The following SYT1 variants were observed in gnomAD, a reference collection of about 807,000 sequenced individuals.
SYT1 encodes the protein synaptotagmin-1.
In SYT1, 8 loss-of-function variants were observed where a neutral mutation model predicts 44.8. The ratio of observed to expected loss-of-function variants is 0.18; its 90% CI spans 0.10 to 0.32. SYT1 has a LOEUF of 0.32. Ranked by LOEUF, SYT1 falls within the 10% of genes least tolerant of loss-of-function variation. The pLI is 1.00. For missense variants in SYT1, 286 were observed against 509.3 expected, an observed-to-expected ratio of 0.56 and a Z score of 4.22; for synonymous variants, 154 against 188.8, an observed-to-expected ratio of 0.82 and a Z score of 1.51.
At chr12:78,999,514 T>C (rs947382008) in intron 2 of SYT1, among the ~76,000 whole-genome samples, 6 of 152,188 alleles carry the variant, frequency 3.9e-5, no homozygotes, top group Non-Finnish European at 8.8e-5. Flanking sequence ...CACCTTTCCT[T>C]TTCTTTTCTA....
intron 1 of SYT1, among the ~76,000 whole-genome samples, chr12:78,922,950 C>A (rs1372794862): frequency 6.9e-6 from 1 of 143,906 alleles, no homozygotes; most frequent in Non-Finnish European, 1.6e-5. Context: ...GGACGAGAAC[C>A]CAGGTAATCT....
chr12:79,009,770 C>A (rs985848777), intron 2 of SYT1, among the ~76,000 whole-genome samples: 1 of 152,108 alleles, frequency 6.6e-6, no homozygotes, highest in Non-Finnish European at 1.5e-5. Flanking sequence ...TTCTTTGTTT[C>A]CCCATCAATA....
chr12:78,986,838 TTTC>T (rs963223817), intron 2 of SYT1, among the ~76,000 whole-genome samples: 10 of 152,002 alleles, frequency 6.6e-5, no homozygotes, highest in Non-Finnish European at 1.3e-4. Context: ...GATACATATC[TTTC>T]TTCTTTCCAA....
intron 4 of SYT1, among the ~76,000 whole-genome samples, chr12:79,260,738 T>G (rs564616547): frequency 6.6e-6 from 1 of 152,312 alleles, no homozygotes; most frequent in Admixed American, 6.5e-5. Context: ...ATTCTTCCAT[T>G]TACATCTAAG....
intron 3 of SYT1, among the ~76,000 whole-genome samples, chr12:79,157,300 C>T (rs557290765): frequency 6.6e-6 from 1 of 152,306 alleles, no homozygotes; most frequent in East Asian, 1.9e-4. Flanking sequence ...TGCATTGATG[C>T]AGGTGGCTGA....
At chr12:78,972,368 T>C (rs1226892854) in intron 1 of SYT1, among the ~76,000 whole-genome samples, 1 of 152,060 alleles carries the variant, frequency 6.6e-6, no homozygotes, top group Non-Finnish European at 1.5e-5. Context: ...TTGCCAAGGT[T>C]CACTGAATCT....
At chr12:79,347,817 G>C (rs1029635225) in intron 8 of SYT1, among the ~76,000 whole-genome samples, 1 of 152,198 alleles carries the variant, frequency 6.6e-6, no homozygotes, top group Middle Eastern at 3.4e-3. Context: ...CGGGTGCTAA[G>C]ACAAAAAAGA....
intron 3 of SYT1, among the ~76,000 whole-genome samples, chr12:79,121,949 G>A (rs916720736): frequency 6.6e-6 from 1 of 152,158 alleles, no homozygotes; most frequent in African/African-American, 2.4e-5. Context: ...GAAAAGCCCT[G>A]CTTCTGTGGT....
chr12:79,179,538 G>GATATATAT (rs200217464), intron 3 of SYT1, among the ~76,000 whole-genome samples: 1 of 30,102 alleles, frequency 3.3e-5, no homozygotes, highest in African/African-American at 1.1e-4. Context: ...TATAGATATA[G>GATATATAT]ATATAGAGAT....
chr12:79,057,593 G>C (rs1381524197), intron 3 of SYT1, among the ~76,000 whole-genome samples: 2 of 151,922 alleles, frequency 1.3e-5, no homozygotes, highest in Non-Finnish European at 2.9e-5. Context: ...TACTATTTGA[G>C]CTGTGAAGGT....
At chr12:79,143,878 A>G (rs899083446) in intron 3 of SYT1, among the ~76,000 whole-genome samples, 7 of 152,208 alleles carry the variant, frequency 4.6e-5, no homozygotes, top group Admixed American at 3.3e-4. Context: ...TCTAAAGCCG[A>G]AAGAAAGAAG....
At chr12:79,230,378 A>G (rs1205215112) in intron 4 of SYT1, among the ~76,000 whole-genome samples, 2 of 152,118 alleles carry the variant, frequency 1.3e-5, no homozygotes, top group Non-Finnish European at 2.9e-5. Context: ...GCATCTGAAG[A>G]TTTTTGTACT....
chr12:78,956,055 A>G (rs1290120155), intron 1 of SYT1, among the ~76,000 whole-genome samples: 1 of 151,980 alleles, frequency 6.6e-6, no homozygotes. Context: ...AAATACTGCA[A>G]TGAAGGTGCA....
chr12:78,994,534 A>ATTTTT (rs1158976321), intron 2 of SYT1, among the ~76,000 whole-genome samples: 1 of 55,582 alleles, frequency 1.8e-5, no homozygotes, highest in Non-Finnish European at 3.3e-5. Flanking sequence ...TGTTCTGAGG[A>ATTTTT]TTTTTTTTTT....
intron 2 of SYT1, among the ~76,000 whole-genome samples, chr12:79,030,729 G>C (rs977660132): frequency 6.6e-6 from 1 of 151,018 alleles, no homozygotes; most frequent in African/African-American, 2.4e-5. Context: ...TATACATTAT[G>C]AGTGAATGGC....
chr12:79,152,370 C>T (rs1870325063), intron 3 of SYT1, among the ~76,000 whole-genome samples: 1 of 152,028 alleles, frequency 6.6e-6, no homozygotes, highest in African/African-American at 2.4e-5. Flanking sequence ...AACAGACATA[C>T]CTCTTCTATT....
intron 4 of SYT1, among the ~76,000 whole-genome samples, chr12:79,254,039 T>C (rs536231840): frequency 1.3e-5 from 2 of 152,310 alleles, no homozygotes; most frequent in Admixed American, 6.5e-5. Context: ...GAAGTGCTGA[T>C]GGAGAAGCTG....
At chr12:79,170,143 G>C (rs1394139760) in intron 3 of SYT1, among the ~76,000 whole-genome samples, 1 of 152,046 alleles carries the variant, frequency 6.6e-6, no homozygotes. Flanking sequence ...ATTGTGAATA[G>C]GGCTGCAATG....
chr12:79,236,888 G>C (rs1416366675), intron 4 of SYT1, among the ~76,000 whole-genome samples: 2 of 152,184 alleles, frequency 1.3e-5, no homozygotes, highest in Non-Finnish European at 2.9e-5. Flanking sequence ...TTTGGAATTA[G>C]GTTAGAGAGG....
Sources: allele counts gnomAD v4.1 joint callset (sites outside exome capture counted in the v4.1 genomes callset), GRCh38; gene constraint gnomAD v4.1.1; transcripts MANE v1.5; gene names NCBI Gene and HGNC (gene_info 2026-07-23, HGNC 2026-07-21).